Variants in TRMT44 observed in about 807,000 individuals in gnomAD.
The protein encoded by TRMT44 is probable tRNA (uracil-O(2)-)-methyltransferase.
A neutral mutation model predicts 77.3 loss-of-function variants in TRMT44; 78 were observed. That is an observed-to-expected ratio of 1.01 (90% CI 0.84 to 1.22). The LOEUF is 1.22. TRMT44 is among the 50% of genes most tolerant of loss of function. TRMT44 has a pLI of 0.00. For missense variants in TRMT44, 1,090 were observed against 964.4 expected, an observed-to-expected ratio of 1.13 and a Z score of -1.73; for synonymous variants, 391 against 383.3, an observed-to-expected ratio of 1.02 and a Z score of -0.23.
intron 2 of TRMT44, among the ~76,000 whole-genome samples, chr4:8,486,807 A>G (rs1355467419): frequency 6.6e-6 from 1 of 152,116 alleles, no homozygotes; most frequent in African/African-American, 2.4e-5. Flanking sequence ...TGTAAACCGG[A>G]CGGGGTGTGA....
At chr4:8,513,747 G>C in the TRMT44 span, among the ~76,000 whole-genome samples, 1 of 152,134 alleles carries the variant, frequency 6.6e-6, no homozygotes, top group Non-Finnish European at 1.5e-5. Context: ...CATCACAAAA[G>C]AGCATATTCA....
intron 2 of TRMT44, among the ~76,000 whole-genome samples, chr4:8,483,866 A>G (rs898649545): frequency 2.0e-5 from 3 of 152,154 alleles, no homozygotes; most frequent in Middle Eastern, 3.2e-3. Flanking sequence ...GAAAGTGTCT[A>G]TTTAGACTAA....
rs933793637 is a variant in TRMT44, at chr4:8,452,273, C to A, written c.1023+245C>A. ...CTGCAGGCGGAACTGTACGTCCACA[C>A]TCAGCAGTCATCGTGGAGGCACCGG... On this transcript the variant is annotated intron_variant, in intron 4 of 10. Coordinates refer to ENST00000389737, the MANE Select transcript of TRMT44 (RefSeq NM_152544.3). The surrounding 1 kb of genome is among the most constrained non-coding windows in gnomAD (Gnocchi z 5.7). Among the ~76,000 whole-genome samples, 3 of 152,228 alleles carry A rather than the reference C, an allele frequency of 2.0e-5. No individual in the cohort carries two copies. The highest frequency in any genetic ancestry group is 7.2e-5 in the African/African-American group (3 of 41,460).
At chr4:8,462,425 G>A (rs768017370) in intron 6 of TRMT44, among the ~76,000 whole-genome samples, 7 of 137,306 alleles carry the variant, frequency 5.1e-5, no homozygotes, top group Non-Finnish European at 7.8e-5. Context: ...GAAAAACAAC[G>A]GCTGGGCGTG....
intron 6 of TRMT44, among the ~76,000 whole-genome samples, chr4:8,462,497 G>A (rs112621545): frequency 0.013 from 1,958 of 152,240 alleles, 37 homozygotes; most frequent in African/African-American, 0.045. Flanking sequence ...ACGAGGTCAC[G>A]AGATCGAGAC....
chr4:8,450,552 A>G (rs1437042376), intron 3 of TRMT44, among the ~76,000 whole-genome samples: 1 of 152,232 alleles, frequency 6.6e-6, no homozygotes, highest in Non-Finnish European at 1.5e-5. Context: ...AAGGAGATAC[A>G]TTTCATAATA....
chr4:8,494,882 A>T (rs1728106780), downstream of TRMT44, among the ~76,000 whole-genome samples: 1 of 149,798 alleles, frequency 6.7e-6, no homozygotes, highest in Non-Finnish European at 1.5e-5. Context: ...TCCCAGCTTG[A>T]CTCTTCCCCG....
intron 6 of TRMT44, among the ~76,000 whole-genome samples, chr4:8,456,611 G>GGGTGT (rs1725826738): frequency 6.6e-6 from 1 of 151,776 alleles, no homozygotes; most frequent in African/African-American, 2.4e-5. Context: ...ACCAGCAGGC[G>GGGTGT]GGTGTATTCA....
chr4:8,491,369 C>T (rs1727998274), intron 2 of TRMT44, among the ~76,000 whole-genome samples: 1 of 152,272 alleles, frequency 6.6e-6, no homozygotes, highest in African/African-American at 2.4e-5. Flanking sequence ...CGCACCAGGG[C>T]AGCAGGTGGA....
intron 2 of TRMT44, among the ~76,000 whole-genome samples, chr4:8,491,205 A>G (rs1727992208): frequency 6.6e-6 from 1 of 152,148 alleles, no homozygotes; most frequent in Admixed American, 6.5e-5. Context: ...GCCCCACCAG[A>G]GCAGCTAGAT....
intron 8 of TRMT44, among the ~76,000 whole-genome samples, chr4:8,467,189 G>A (rs895622565): frequency 1.3e-5 from 2 of 152,208 alleles, no homozygotes; most frequent in Non-Finnish European, 2.9e-5. Context: ...TGGCAAGGTG[G>A]GGACAAAGCT....
chr4:8,496,116 A>G (rs913198053), downstream of TRMT44, among the ~76,000 whole-genome samples: 7 of 152,216 alleles, frequency 4.6e-5, no homozygotes, highest in East Asian at 9.6e-4. Flanking sequence ...GAGTGAACCA[A>G]TGGGAAGCTG....
At chr4:8,498,468 TCAGGAGA>T (rs1425345997), downstream of TRMT44, among the ~76,000 whole-genome samples, 1 of 152,150 alleles carries the variant, frequency 6.6e-6, no homozygotes, top group African/African-American at 2.4e-5. The surrounding 1 kb of genome is among the most constrained non-coding windows in gnomAD (Gnocchi z 4.3). Context: ...TGGGGAGGCC[TCAGGAGA>T]CTTACAATCA....
chr4:8,441,695 A>G (rs1479744944), intron 1 of TRMT44, among the ~76,000 whole-genome samples: 1 of 152,190 alleles, frequency 6.6e-6, no homozygotes, highest in Non-Finnish European at 1.5e-5. Context: ...CGTAATACCT[A>G]GGAGTTTAGC....
chr4:8,500,596 C>T, the TRMT44 span, among the ~76,000 whole-genome samples: 1 of 152,106 alleles, frequency 6.6e-6, no homozygotes, highest in African/African-American at 2.4e-5. Context: ...CTCTTCCCCA[C>T]TCCAGGGGTC....
chr4:8,473,619 A>C (rs1727173395), intron 10 of TRMT44: 1 of 152,342 alleles, frequency 6.6e-6, no homozygotes, highest in Non-Finnish European at 1.5e-5. Flanking sequence ...TCCTGTGCTG[A>C]GGTAGAGTCC....
intron 2 of TRMT44, among the ~76,000 whole-genome samples, chr4:8,483,400 G>A (rs1045925185): frequency 2.8e-4 from 42 of 150,114 alleles, no homozygotes; most frequent in African/African-American, 9.2e-4. Flanking sequence ...GAAGATAGTA[G>A]GGTTGACAAG....
rs570090945 is a variant in TRMT44 at position 8,463,589 on chromosome 4, G to T, written c.1204-396G>T. Among the ~76,000 whole-genome samples the T allele has an allele frequency of 8.8e-4, 134 of 152,338 alleles. 1 individual carries two copies. The highest frequency in any genetic ancestry group is 3.2e-3 in the African/African-American group (132 of 41,568). ...GTATTACGCCCTTAAATCACCTTCA[G>T]ACCTCTCTGCCTTCCATTCACTTCC... is the stretch of plus-strand genomic sequence containing the variant. On this transcript the variant is annotated intron_variant, in intron 6 of 10. Transcript: ENST00000389737.
At chr4:8,470,763 C>T (rs573050858) in intron 9 of TRMT44, among the ~76,000 whole-genome samples, 3 of 152,322 alleles carry the variant, frequency 2.0e-5, no homozygotes, top group African/African-American at 4.8e-5. Flanking sequence ...CAGCCACCCC[C>T]CTTCATGGGT....
Sources: gnomAD v4.1 joint callset for allele counts (sites outside exome capture counted in the v4.1 genomes callset) on GRCh38, gnomAD v4.1.1 for gene constraint, Gnocchi (gnomAD v3.1) non-coding constraint, MANE v1.5 for transcripts, NCBI Gene and HGNC (gene_info 2026-07-23, HGNC 2026-07-21) for gene names.